The following RICTOR variants were observed in gnomAD, a reference collection of about 807,000 sequenced individuals.
RICTOR encodes rapamycin-insensitive companion of mTOR.
A neutral mutation model predicts 214.9 loss-of-function variants in RICTOR; 49 were observed. The ratio of observed to expected loss-of-function variants is 0.23; its 90% confidence interval spans 0.18 to 0.29. The LOEUF (loss-of-function observed/expected upper bound fraction) is 0.29, where lower values mean the gene tolerates loss of function less well. Ranked by LOEUF, RICTOR falls within the 10% of genes least tolerant of loss-of-function variation. RICTOR has a pLI of 1.00. For missense variants in RICTOR, 1,625 were observed against 2,047.0 expected (o/e 0.79, Z 3.98); for synonymous variants, 717 against 711.3 (o/e 1.01, Z -0.13).
At position 38,958,547 on chromosome 5, in the gene RICTOR, T is replaced by C. The variant is rs201482051; in HGVS notation, c.2344-28A>G. 625 of 1,583,688 alleles carry C rather than the reference T, an allele frequency of 3.9e-4. 2 individuals are homozygous for C. The highest frequency in any genetic ancestry group is 4.8e-4 in the Non-Finnish European group (559 of 1,158,502). Reference sequence around the variant, plus strand: ...AAAAGAGATTATCATTATTTTTTTATAATTGCACAAAAATAGCAAAATTTT... The same window carrying C: ...AAAAGAGATTATCATTATTTTTTTACAATTGCACAAAAATAGCAAAATTTT... On this transcript the variant is annotated intron_variant, in intron 23 of 37. Coordinates refer to ENST00000357387, the MANE Select transcript of RICTOR (RefSeq NM_152756.5).
At chr5:39,074,249 C>T (rs1227825684) in intron 1 of RICTOR, 80 bp downstream of exon 1, 1 of 1,584,362 alleles carries the variant, frequency 6.3e-7, no homozygotes, top group Non-Finnish European at 8.6e-7. Flanking sequence ...GGCTCGCTCC[C>T]CAACCCAGGG....
intron 3 of RICTOR, among the ~76,000 whole-genome samples, chr5:39,005,348 T>C (rs1753974960): frequency 7.0e-6 from 1 of 142,078 alleles, no homozygotes; most frequent in Admixed American, 6.8e-5. Context: ...TAAATCCTCT[T>C]TTTTTTTTTT....
intron 15 of RICTOR, among the ~76,000 whole-genome samples, chr5:38,965,988 T>C (rs897253151): frequency 1.3e-5 from 2 of 152,142 alleles, no homozygotes; most frequent in African/African-American, 4.8e-5. Context: ...ATTCCTACCT[T>C]GCAAACTATC....
chr5:39,009,960 C>T (rs147886279), intron 3 of RICTOR, among the ~76,000 whole-genome samples: 33 of 152,266 alleles, frequency 2.2e-4, no homozygotes, highest in African/African-American at 7.5e-4. Flanking sequence ...CTAAAGTACA[C>T]ATTAAACTGT....
chr5:38,962,835 A>T, intron 17 of RICTOR, 41 bp downstream of exon 17: 2 of 1,515,682 alleles, frequency 1.3e-6, no homozygotes, highest in Non-Finnish European at 1.8e-6. Flanking sequence ...AGGAATTAAG[A>T]TGTTGTGTTT....
At chr5:39,053,080 T>C (rs1757960815) in intron 2 of RICTOR, among the ~76,000 whole-genome samples, 1 of 152,240 alleles carries the variant, frequency 6.6e-6, no homozygotes, top group Non-Finnish European at 1.5e-5. Flanking sequence ...GAACTAACAT[T>C]TTAAATAAGA....
chr5:39,038,709 A>G lies in RICTOR; in HGVS notation c.98-17573T>C, dbSNP rs576525467. Among the ~76,000 whole-genome samples the G allele has an allele frequency of 1.0e-3, 154 of 152,364 alleles. 1 individual carries two copies. The Middle Eastern group carries it at 0.01, about 10-fold the overall frequency. ...ACAGCCAAATCATGAGTGAACTCCCATTCACAATTGCTTCAAAGAGAATAA... is the reference window on the plus strand; with the variant it reads ...ACAGCCAAATCATGAGTGAACTCCCGTTCACAATTGCTTCAAAGAGAATAA... On this transcript the variant is annotated intron_variant, in intron 2 of 37. Transcript: ENST00000357387.
At chr5:39,056,027 C>T (rs947478053) in intron 2 of RICTOR, among the ~76,000 whole-genome samples, 1 of 152,132 alleles carries the variant, frequency 6.6e-6, no homozygotes, top group African/African-American at 2.4e-5. Context: ...CTTCTCTTAA[C>T]CCAGAAAGAT....
intron 19 of RICTOR, among the ~76,000 whole-genome samples, chr5:38,961,553 C>A (rs1749797439): frequency 6.6e-6 from 1 of 152,060 alleles, no homozygotes; most frequent in African/African-American, 2.4e-5. Context: ...ACAATTCAAT[C>A]CAATAGAGGT....
chr5:39,047,332 C>T (rs1561060389), intron 2 of RICTOR, among the ~76,000 whole-genome samples: 1 of 152,152 alleles, frequency 6.6e-6, no homozygotes, highest in East Asian at 1.9e-4. Flanking sequence ...GACCTAGATC[C>T]CTCGCATGTG....
chr5:38,960,028 A>G, intron 20 of RICTOR, 50 bp from the exon 21 acceptor site: 1 of 1,276,632 alleles, frequency 7.8e-7, no homozygotes, highest in Non-Finnish European at 1.1e-6. Context: ...CAAAATCTGT[A>G]ATTAGAAAAT....
At chr5:39,006,672 G>C (rs1754075571) in intron 3 of RICTOR, among the ~76,000 whole-genome samples, 1 of 146,444 alleles carries the variant, frequency 6.8e-6, no homozygotes, top group African/African-American at 2.5e-5. Flanking sequence ...TTTCTTTAGA[G>C]GAAATAAGGG....
rs1554068211 is a variant in RICTOR at position 38,990,825 on chromosome 5, T to TGA, written c.583+122_583+123dup. 1,288 of 163,618 alleles carry TGA rather than the reference T, an allele frequency of 7.9e-3. 31 individuals carry two copies. In the African/African-American group the frequency reaches 0.083, roughly 11 times the overall value. The allele number at this position is 163,618 out of a possible 1,614,324, so 10.1% of individuals were successfully genotyped here. ...ATATATATGAGATATATGAGATATA[T>TGA]GATATATGAGATATATGAGATATAT... is the stretch of plus-strand genomic sequence containing the variant. On this transcript the variant is annotated intron_variant, in intron 7 of 37. Coordinates refer to ENST00000357387, the MANE Select transcript of RICTOR (RefSeq NM_152756.5).
chr5:39,069,224 T>C (rs1305163499), intron 2 of RICTOR, among the ~76,000 whole-genome samples: 1 of 152,144 alleles, frequency 6.6e-6, no homozygotes, highest in Non-Finnish European at 1.5e-5. Flanking sequence ...AGCAATAAAG[T>C]TGTGGAGTGA....
At chr5:39,045,624 G>A (rs540051975) in intron 2 of RICTOR, among the ~76,000 whole-genome samples, 1 of 152,274 alleles carries the variant, frequency 6.6e-6, no homozygotes, top group Non-Finnish European at 1.5e-5. Flanking sequence ...TGTGCCTAAA[G>A]GCTGAGACAT....
chr5:38,957,883 T>C (rs571319208), intron 24 of RICTOR, among the ~76,000 whole-genome samples, 153 bp from the exon 25 acceptor site: 1 of 152,328 alleles, frequency 6.6e-6, no homozygotes, highest in South Asian at 2.1e-4. Flanking sequence ...TAATTTATTA[T>C]AACTTCAATT....
intron 6 of RICTOR, among the ~76,000 whole-genome samples, chr5:38,994,954 T>C (rs1753071196): frequency 6.6e-6 from 1 of 152,178 alleles, no homozygotes; most frequent in Admixed American, 6.5e-5. Flanking sequence ...AAGACATTAT[T>C]TGTCCTTTTT....
intron 2 of RICTOR, among the ~76,000 whole-genome samples, chr5:39,041,963 AT>A (rs752726285): frequency 4.1e-5 from 6 of 146,260 alleles, no homozygotes; most frequent in Non-Finnish European, 7.5e-5. Flanking sequence ...AAAAAAAAAA[AT>A]TTAATATGTT....
intron 7 of RICTOR, among the ~76,000 whole-genome samples, chr5:38,984,714 A>G (rs1752019392): frequency 6.6e-6 from 1 of 152,118 alleles, no homozygotes; most frequent in African/African-American, 2.4e-5. Context: ...AATGTAACCA[A>G]CACCATTCCT....
Sources: allele counts gnomAD v4.1 joint callset (sites outside exome capture counted in the v4.1 genomes callset), GRCh38; gene constraint gnomAD v4.1.1; transcripts MANE v1.5; gene names NCBI Gene and HGNC (gene_info 2026-07-23, HGNC 2026-07-21).